SP4: variants seen among roughly 807,000 people sequenced by gnomAD.
The protein encoded by SP4 is Sp4 transcription factor, also known as transcription factor Sp4.
A neutral mutation model predicts 72.8 loss-of-function variants in SP4; 19 were observed. That is an observed-to-expected ratio of 0.26 (90% CI 0.18 to 0.38). The LOEUF is 0.38. Ranked by LOEUF, SP4 falls within the 10% of genes least tolerant of loss-of-function variation. SP4 has a pLI of 1.00. For synonymous variants in SP4, 395 were observed against 333.1 expected, an observed-to-expected ratio of 1.19 and a Z score of -2.02; for missense variants, 1,008 against 926.3, an observed-to-expected ratio of 1.09 and a Z score of -1.14.
chr7:21,472,151 A>C (rs1452590040), intron 3 of SP4, among the ~76,000 whole-genome samples: 1 of 152,220 alleles, frequency 6.6e-6, no homozygotes, highest in East Asian at 1.9e-4. Context: ...TCTGTGAGTT[A>C]ATCAGCTTAC....
chr7:21,442,035 TG>T (rs1714853387), intron 3 of SP4, among the ~76,000 whole-genome samples: 47 of 38,722 alleles, frequency 1.2e-3, no homozygotes, highest in East Asian at 9.0e-3. Flanking sequence ...TGTGTGTGTG[TG>T]TATTTTTTTT....
In SP4 at chr7:21,430,509, A is replaced by G. The variant is rs543188225; in HGVS notation, c.1344A>G (p.Ala448=). 3 of 1,614,248 alleles carry G rather than the reference A, an allele frequency of 1.9e-6. No individual in the cohort carries two copies. The South Asian group carries it at 3.3e-5, about 18-fold the overall frequency. The change falls in exon 3 of 6, where the codon GCA becomes GCG. Residue 448 remains alanine, a synonymous_variant. Transcript: ENST00000222584. The part of the protein sequence containing the change: ...QQPLQNVQLQ[A]VNPTQVLIRA... ...CTTTACAGAATGTTCAACTTCAAGC[A>G]GTAAATCCGACTCAGGTGCTTATCA...
intron 5 of SP4, among the ~76,000 whole-genome samples, chr7:21,491,032 A>G (rs1275358323): frequency 1.3e-5 from 2 of 152,176 alleles, no homozygotes; most frequent in Non-Finnish European, 1.5e-5. Context: ...TCAACATACT[A>G]TGAGCCACGT....
intron 3 of SP4, among the ~76,000 whole-genome samples, chr7:21,431,854 C>G (rs576879728): frequency 1.3e-5 from 2 of 152,196 alleles, no homozygotes; most frequent in African/African-American, 4.8e-5. Flanking sequence ...AAGTTTATCA[C>G]TTTTGAATGA....
chr7:21,431,720 TTTTCTAGTAATTAAACCC>T (rs1782861487), intron 3 of SP4, among the ~76,000 whole-genome samples: 1 of 152,218 alleles, frequency 6.6e-6, no homozygotes, highest in Admixed American at 6.5e-5. Flanking sequence ...ATAACTTTTG[TTTTCTAGTAATTAAACCC>T]TTTTCATTGA....
chr7:21,433,518 G>A (rs1184993385), intron 3 of SP4, among the ~76,000 whole-genome samples: 1 of 152,178 alleles, frequency 6.6e-6, no homozygotes, highest in African/African-American at 2.4e-5. Flanking sequence ...AATGCTCTTT[G>A]AACTAAGGTA....
chr7:21,437,612 T>G (rs1465083630), intron 3 of SP4, among the ~76,000 whole-genome samples: 4 of 152,196 alleles, frequency 2.6e-5, no homozygotes, highest in Non-Finnish European at 5.9e-5. Context: ...CAGAGTGATC[T>G]TAATAGGCTG....
intron 5 of SP4, among the ~76,000 whole-genome samples, chr7:21,495,345 C>T (rs141598433): frequency 2.6e-5 from 4 of 151,910 alleles, no homozygotes; most frequent in African/African-American, 9.6e-5. Flanking sequence ...AATCACATAC[C>T]TGACAAAGTG....
intron 5 of SP4, among the ~76,000 whole-genome samples, chr7:21,493,204 A>AG (rs2128414113): frequency 6.6e-6 from 1 of 152,052 alleles, no homozygotes; most frequent in South Asian, 2.1e-4. Context: ...CATGTGAAAA[A>AG]AAAAAAAATC....
At chr7:21,432,014 C>T (rs542034031) in intron 3 of SP4, among the ~76,000 whole-genome samples, 72 of 152,230 alleles carry the variant, frequency 4.7e-4, no homozygotes, top group African/African-American at 1.6e-3. Flanking sequence ...ATCTAGATAC[C>T]AGTGCTTCTA....
intron 3 of SP4, among the ~76,000 whole-genome samples, chr7:21,446,389 A>T (rs1160779036): frequency 6.6e-6 from 1 of 152,190 alleles, no homozygotes; most frequent in African/African-American, 2.4e-5. Context: ...ACTGGAAAGC[A>T]AACATGTTTC....
At chr7:21,450,806 C>G (rs1449547599) in intron 3 of SP4, among the ~76,000 whole-genome samples, 1 of 152,164 alleles carries the variant, frequency 6.6e-6, no homozygotes, top group Non-Finnish European at 1.5e-5. Flanking sequence ...AACCTCAGTT[C>G]TTGCCTCCTC....
At chr7:21,488,941 C>T (rs1784899468) in intron 5 of SP4, among the ~76,000 whole-genome samples, 1 of 152,028 alleles carries the variant, frequency 6.6e-6, no homozygotes, top group South Asian at 2.1e-4. Flanking sequence ...GTTTTATTTG[C>T]CATTCATAAT....
chr7:21,428,287 C>T, intron 1 of SP4, 29 bp downstream of exon 1: 1 of 1,367,500 alleles, frequency 7.3e-7, no homozygotes, highest in Non-Finnish European at 1.0e-6. Flanking sequence ...CCTCAGTCTC[C>T]TTCGCCGCCT....
chr7:21,501,340 A>G (rs1175585030), intron 5 of SP4, among the ~76,000 whole-genome samples: 1 of 151,534 alleles, frequency 6.6e-6, no homozygotes, highest in Non-Finnish European at 1.5e-5. Context: ...TTTTCTCACA[A>G]AGTCCCTCCT....
chr7:21,496,776 G>A (rs970663570), intron 5 of SP4, among the ~76,000 whole-genome samples: 1 of 152,140 alleles, frequency 6.6e-6, no homozygotes, highest in African/African-American at 2.4e-5. Context: ...TGTGCTGAAA[G>A]GTTCTGTGTG....
intron 3 of SP4, 90 bp downstream of exon 3, chr7:21,430,933 C>T: frequency 1.1e-6 from 1 of 918,682 alleles, no homozygotes; most frequent in Non-Finnish European, 1.6e-6. Flanking sequence ...TTGACGTAGA[C>T]CTCTGAAGTA....
At chr7:21,454,253 A>G (rs535016161) in intron 3 of SP4, among the ~76,000 whole-genome samples, 19 of 152,300 alleles carry the variant, frequency 1.2e-4, no homozygotes, top group African/African-American at 4.6e-4. Flanking sequence ...AAAGCAGACA[A>G]GTTGTCCAGT....
At chr7:21,507,506 C>G (rs999581370) in intron 5 of SP4, among the ~76,000 whole-genome samples, 1 of 152,136 alleles carries the variant, frequency 6.6e-6, no homozygotes, top group Admixed American at 6.5e-5. Context: ...GGGCTTTTCC[C>G]TGGGTGAGGG....
Sources: allele counts gnomAD v4.1 joint callset (sites outside exome capture counted in the v4.1 genomes callset), GRCh38; gene constraint gnomAD v4.1.1; transcripts MANE v1.5; gene names NCBI Gene and HGNC (gene_info 2026-07-23, HGNC 2026-07-21).